ARHGAP22: variants seen among roughly 807,000 people sequenced by gnomAD.
ARHGAP22 encodes the protein Rho GTPase activating protein 22.
ARHGAP22 carries 48 observed loss-of-function variants against 59.1 expected under a neutral mutation model. That is an observed-to-expected ratio of 0.81 (90% CI 0.64 to 1.03). The LOEUF is 1.03. Ranked by LOEUF, ARHGAP22 falls within the 50% of genes least tolerant of loss-of-function variation. The pLI, the probability that ARHGAP22 is intolerant of heterozygous loss-of-function variation, is 0.00. For missense variants in ARHGAP22, 1,015 were observed against 958.7 expected, an observed-to-expected ratio of 1.06 and a Z score of -0.78; for synonymous variants, 445 against 416.4, an observed-to-expected ratio of 1.07 and a Z score of -0.84.
At chr10:48,544,274 G>A (rs2056233141) in intron 3 of ARHGAP22, among the ~76,000 whole-genome samples, 2 of 152,222 alleles carry the variant, frequency 1.3e-5, no homozygotes, top group African/African-American at 4.8e-5. Context: ...TGGGATTTAA[G>A]TTATTGGTCC....
chr10:48,603,611 G>A (rs975102094), intron 1 of ARHGAP22, among the ~76,000 whole-genome samples: 5 of 152,308 alleles, frequency 3.3e-5, no homozygotes, highest in East Asian at 1.9e-4. Context: ...CTAAGCTCTC[G>A]CAGAGGTATC....
At chr10:48,440,699 T>C in the ARHGAP22 span, among the ~76,000 whole-genome samples, 2 of 152,246 alleles carry the variant, frequency 1.3e-5, no homozygotes, top group South Asian at 4.2e-4. Context: ...CCTGAAAATA[T>C]CAAGAATTGC....
intron 1 of ARHGAP22, among the ~76,000 whole-genome samples, chr10:48,614,761 C>T (rs1375619834): frequency 6.6e-6 from 1 of 152,186 alleles, no homozygotes; most frequent in Non-Finnish European, 1.5e-5. Flanking sequence ...CTCCAATAAG[C>T]AAGAGTCTTG....
chr10:48,435,140 A>G, the ARHGAP22 span: 2 of 846,890 alleles, frequency 2.4e-6, no homozygotes, highest in Non-Finnish European at 1.7e-6. Context: ...CAAAAAATGT[A>G]GAATTCATTT....
chr10:48,454,226 A>T (rs2046275464), intron 6 of ARHGAP22, 65 bp from the exon 7 acceptor site: 916 of 1,103,106 alleles, frequency 8.3e-4, no homozygotes, highest in Non-Finnish European at 1.2e-3. Flanking sequence ...TCTGACTGCG[A>T]GGAGGGGTGG....
Position 48,545,495 on chromosome 10 carries a change from A to T in ARHGAP22, c.322+9968T>A, listed in dbSNP as rs2056350924. On this transcript the variant is annotated intron_variant, in intron 3 of 9. Transcript: ENST00000249601. ...AATTTCATTTCTGTCATTACCCATC[A>T]TCTGGCGCTCTGCAGACAACCTCAG... is the stretch of plus-strand genomic sequence containing the variant. Among the ~76,000 whole-genome samples the T allele has an allele frequency of 2.0e-5, 3 of 152,304 alleles. No homozygotes were observed. The South Asian group carries it at 6.2e-4, about 32-fold the overall frequency.
At chr10:48,527,153 A>C (rs1564821763) in intron 3 of ARHGAP22, among the ~76,000 whole-genome samples, 2 of 152,234 alleles carry the variant, frequency 1.3e-5, no homozygotes, top group Admixed American at 6.5e-5. Flanking sequence ...ATGAGGTAGT[A>C]AGTGGCAGAG....
intron 3 of ARHGAP22, among the ~76,000 whole-genome samples, chr10:48,507,312 C>T (rs751597388): frequency 6.6e-6 from 1 of 152,198 alleles, no homozygotes; most frequent in Non-Finnish European, 1.5e-5. Context: ...AACGACTGAC[C>T]TTCGAGGGCC....
At chr10:48,585,786 G>A (rs1388373395) in intron 1 of ARHGAP22, among the ~76,000 whole-genome samples, 2 of 152,220 alleles carry the variant, frequency 1.3e-5, no homozygotes, top group Non-Finnish European at 2.9e-5. Flanking sequence ...GCCTTGCCTT[G>A]GCTGTGTTTT....
chr10:48,536,676 G>C (rs1415365750), intron 3 of ARHGAP22, among the ~76,000 whole-genome samples: 2 of 152,208 alleles, frequency 1.3e-5, no homozygotes, highest in Non-Finnish European at 2.9e-5. Context: ...TGTGGGCTTT[G>C]TCTGGAATTT....
At chr10:48,544,932 T>C (rs1264371246) in intron 3 of ARHGAP22, among the ~76,000 whole-genome samples, 1 of 152,208 alleles carries the variant, frequency 6.6e-6, no homozygotes, top group African/African-American at 2.4e-5. Flanking sequence ...TATCAAGTAC[T>C]TCCAGTGAAA....
At chr10:48,436,097 G>A in the ARHGAP22 span, 2 of 152,238 alleles carry the variant, frequency 1.3e-5, no homozygotes, top group South Asian at 4.2e-4. Flanking sequence ...CTATTGGGAG[G>A]TTCCAAACCC....
intron 1 of ARHGAP22, among the ~76,000 whole-genome samples, chr10:48,651,972 A>G (rs541463724): frequency 5.9e-5 from 9 of 152,248 alleles, no homozygotes; most frequent in African/African-American, 2.2e-4. Flanking sequence ...CTCTGAATGC[A>G]ATCAGAGCCC....
upstream of ARHGAP22, among the ~76,000 whole-genome samples, chr10:48,608,171 C>G (rs2060747586): frequency 6.6e-6 from 1 of 152,206 alleles, no homozygotes; most frequent in Non-Finnish European, 1.5e-5. Flanking sequence ...TGGCTGCCAT[C>G]CTAAGGGAGA....
At chr10:48,632,410 A>T (rs1367468139) in intron 1 of ARHGAP22, among the ~76,000 whole-genome samples, 1 of 151,394 alleles carries the variant, frequency 6.6e-6, no homozygotes, top group East Asian at 1.9e-4. Context: ...TATTCAACAT[A>T]TTTTTTTTTC....
chr10:48,612,476 C>T lies in ARHGAP22; in HGVS notation c.53-29324G>A, dbSNP rs144506426. Among the ~76,000 whole-genome samples the T allele has an allele frequency of 6.3e-3, 966 of 152,276 alleles. 4 individuals carry two copies. Among genetic ancestry groups the T allele is most frequent in the Non-Finnish European group, 0.011 (716 of 68,030 alleles). On this transcript the variant is annotated intron_variant, in intron 1 of 9. Coordinates refer to the ARHGAP22 transcript ENST00000435790. ...AGTGTGACCCAGAGATGGACAGAGT[C>T]GACTTCTCAGCACTGGTGGCAGTGA...
chr10:48,570,293 CTT>C (rs34142212), intron 2 of ARHGAP22, among the ~76,000 whole-genome samples: 1 of 152,222 alleles, frequency 6.6e-6, no homozygotes, highest in South Asian at 2.1e-4. Flanking sequence ...ACCCCTCTCT[CTT>C]TTTATGACTC....
upstream of ARHGAP22, among the ~76,000 whole-genome samples, chr10:48,608,998 C>G (rs966962586): frequency 1.3e-5 from 2 of 152,178 alleles, no homozygotes; most frequent in East Asian, 3.8e-4. Flanking sequence ...CTTCTCAACT[C>G]TAATGTTCAA....
intron 3 of ARHGAP22, among the ~76,000 whole-genome samples, chr10:48,551,531 C>T (rs1347700361): frequency 1.3e-5 from 2 of 152,212 alleles, no homozygotes; most frequent in South Asian, 4.1e-4. Context: ...TGCCAGTCAC[C>T]CTTTCTCTCA....
Sources: allele counts gnomAD v4.1 joint callset (sites outside exome capture counted in the v4.1 genomes callset), GRCh38; gene constraint gnomAD v4.1.1; transcripts MANE v1.5; gene names NCBI Gene and HGNC (gene_info 2026-07-23, HGNC 2026-07-21).